TNXB: variants seen among roughly 807,000 people sequenced by gnomAD.
The protein encoded by TNXB is tenascin-X.
A neutral mutation model predicts 340.5 loss-of-function variants in TNXB; 183 were observed. The ratio of observed to expected loss-of-function variants is 0.54; its 90% CI spans 0.48 to 0.61. The LOEUF (loss-of-function observed/expected upper bound fraction) is 0.61, where lower values mean the gene tolerates loss of function less well. TNXB is among the 20% of genes least tolerant of loss of function. TNXB has a pLI of 0.00. For missense variants in TNXB, 4,613 were observed against 5,446.4 expected, an observed-to-expected ratio of 0.85 and a Z score of 4.82; for synonymous variants, 2,121 against 2,314.5, an observed-to-expected ratio of 0.92 and a Z score of 2.40.
At position 32,083,109 on chromosome 6, in the gene TNXB, C is replaced by T. The variant is rs1317601710; in HGVS notation, c.3446-783G>A. On this transcript the variant is annotated intron_variant, in intron 8 of 43. Transcript: ENST00000644971. This position sits in a 1 kb window ranked among gnomAD's most constrained non-coding sequence, Gnocchi z 4.6. ...CAGGCCAGGGGTGGCCTTGCCATTG[C>T]TAAATTCTGTGGACGCTCCGTAGCC... Among the ~76,000 whole-genome samples the T allele has an allele frequency of 6.6e-6, 1 of 152,172 alleles. No homozygotes were observed. Among genetic ancestry groups the T allele is most frequent in the Non-Finnish European group, 1.5e-5 (1 of 68,034 alleles).
chr6:32,081,794 A>G lies in TNXB; in HGVS notation c.3737-121T>C. 1 of 717,008 alleles carries G rather than the reference A, an allele frequency of 1.4e-6. No homozygotes were observed. Among genetic ancestry groups the G allele is most frequent in the Non-Finnish European group, 2.3e-6 (1 of 433,118 alleles). The allele number at this position is 717,008 out of a possible 1,614,324, so 44.4% of individuals were successfully genotyped here. A position where few individuals can be genotyped will look rare whatever the true frequency, so the allele number is the denominator to read the frequency against. ...TCACTAGTCCATTAATTCGAGTGCT[A>G]AACTTCTGGGAAGCCTGACACAGCC... On this transcript the variant is annotated intron_variant, in intron 9 of 43. Transcript: ENST00000644971. The surrounding 1 kb of genome is among the most constrained non-coding windows in gnomAD (Gnocchi z 5.1).
In TNXB at chr6:32,084,347, T is replaced by A. The variant is rs1779644516; in HGVS notation, c.3445+66A>T. The A allele has an allele frequency of 6.9e-7, 1 of 1,458,414 alleles. No homozygotes were observed. Among genetic ancestry groups the A allele is most frequent in the African/African-American group, 1.4e-5 (1 of 71,144 alleles). 90.3% of individuals were successfully genotyped at this position (1,458,414 alleles called of 1,614,324 possible). A position where few individuals can be genotyped will look rare whatever the true frequency, so the allele number is the denominator to read the frequency against. On this transcript the variant is annotated intron_variant, in intron 8 of 43. Coordinates refer to ENST00000644971, the MANE Select transcript of TNXB (RefSeq NM_001365276.2). The surrounding 1 kb of genome is among the most constrained non-coding windows in gnomAD (Gnocchi z 5.5). ...CCTTCCCGGAGCTCCCAAAGCAGGT[T>A]CCCAAAGCACTGAGAAAACCTCTTC...
rs755991577 is a variant in TNXB, at chr6:32,084,377, C to T, written c.3445+36G>A. 7 of 1,541,854 alleles carry T rather than the reference C, an allele frequency of 4.5e-6. No homozygotes were observed. The highest frequency in any genetic ancestry group is 6.1e-6 in the Non-Finnish European group (7 of 1,139,378). On this transcript the variant is annotated intron_variant, in intron 8 of 43. Coordinates refer to ENST00000644971, the MANE Select transcript of TNXB (RefSeq NM_001365276.2). The surrounding 1 kb of genome is among the most constrained non-coding windows in gnomAD (Gnocchi z 5.5). ...AAGCACTGAGAAAACCTCTTCAGGG[C>T]AGTACAGAGGGCAGGGTGTTACTGC...
chr6:32,056,256 G>A, intron 23 of TNXB, 82 bp from the exon 24 acceptor site: 2 of 1,483,676 alleles, frequency 1.3e-6, no homozygotes, highest in Middle Eastern at 1.8e-4. Context: ...AGAAACCATG[G>A]CCACTACTGG....
rs1776989775 is a variant in TNXB at position 32,047,825 on chromosome 6, C to G, written c.10233G>C (p.Gln3411His). 6.2e-7 allele frequency: 1 copy of G among 1,611,798 alleles called. No homozygotes were observed. Among genetic ancestry groups the G allele is most frequent in the South Asian group, 1.1e-5 (1 of 90,932 alleles). The stretch of plus-strand genomic sequence containing the variant: ...TGTATTTCCTACTGGGCTCCAGGCC[C>G]TGGACTGTGACCTCCCGCTGGTTGG... ...VAANQREVTVQGLEPSRKYRF... is the reference protein window; with the variant it reads ...VAANQREVTVHGLEPSRKYRF... Residue 3411 changes from glutamine to histidine, a missense_variant, in exon 30 of 44, where the codon CAG (glutamine) becomes CAC (histidine). Physicochemically the swap from Gln to His is conservative, Grantham distance 24 (BLOSUM62 0). Transcript: ENST00000644971. The surrounding 1 kb of genome is among the most constrained non-coding windows in gnomAD (Gnocchi z 6.2).
chr6:32,066,623 G>A (rs188114813), intron 18 of TNXB, among the ~76,000 whole-genome samples: 1 of 152,312 alleles, frequency 6.6e-6, no homozygotes, highest in Admixed American at 6.5e-5. Context: ...AATGGGTCTG[G>A]ACCCAAGATT....
rs1779645702 is a variant in TNXB at position 32,084,358 on chromosome 6, T to A, written c.3445+55A>T. On this transcript the variant is annotated intron_variant, in intron 8 of 43. Coordinates refer to ENST00000644971, the MANE Select transcript of TNXB (RefSeq NM_001365276.2). The surrounding 1 kb of genome is among the most constrained non-coding windows in gnomAD (Gnocchi z 5.5). Reference sequence around the variant, plus strand: ...CTCCCAAAGCAGGTTCCCAAAGCACTGAGAAAACCTCTTCAGGGCAGTACA... The same window carrying A: ...CTCCCAAAGCAGGTTCCCAAAGCACAGAGAAAACCTCTTCAGGGCAGTACA... The A allele has an allele frequency of 6.7e-7, 1 of 1,484,918 alleles. No individual in the cohort carries two copies. Among genetic ancestry groups the A allele is most frequent in the Non-Finnish European group, 9.0e-7 (1 of 1,111,918 alleles). 92.0% of individuals were successfully genotyped at this position (1,484,918 alleles called of 1,614,324 possible).
chr6:32,092,690 C>CAA (rs33977838), intron 4 of TNXB, among the ~76,000 whole-genome samples: 5 of 136,084 alleles, frequency 3.7e-5, no homozygotes, highest in African/African-American at 1.1e-4. Flanking sequence ...AACTCTGTCT[C>CAA]AAAAAAAAAA....
Position 32,070,966 on chromosome 6 carries a change from G to A in TNXB, c.4991-552C>T, listed in dbSNP as rs1778738122. On this transcript the variant is annotated intron_variant, in intron 13 of 43. Transcript: ENST00000644971. This position sits in a 1 kb window ranked among gnomAD's most constrained non-coding sequence, Gnocchi z 6.0. Reference sequence around the variant, plus strand: ...TAAGGCTCCCACTGGGCCTGGTGAAGGAGCGTGGGCTGCCTGTGAGAATGT... The same window carrying A: ...TAAGGCTCCCACTGGGCCTGGTGAAAGAGCGTGGGCTGCCTGTGAGAATGT... 6.6e-6 allele frequency among the ~76,000 whole-genome samples: 1 copy of A among 152,224 alleles called. No individual in the cohort carries two copies. Among genetic ancestry groups the A allele is most frequent in the Admixed American group, 6.5e-5 (1 of 15,284 alleles).
chr6:32,069,531 G>A lies in TNXB; in HGVS notation c.5587+22C>T, dbSNP rs1778619472. 3 of 1,534,308 alleles carry A rather than the reference G, an allele frequency of 2.0e-6. No individual in the cohort carries two copies. Among genetic ancestry groups the A allele is most frequent in the Non-Finnish European group, 1.8e-6 (2 of 1,138,056 alleles). On this transcript the variant is annotated intron_variant, in intron 15 of 43. Coordinates refer to ENST00000644971, the MANE Select transcript of TNXB (RefSeq NM_001365276.2). The surrounding 1 kb of genome is among the most constrained non-coding windows in gnomAD (Gnocchi z 6.2). ...AGCCAGGCGGGAAGGAGGCACAGGT[G>A]TTCCAGCTGCCGCACACTCACCAGT...
chr6:32,096,320 G>A lies in TNXB; in HGVS notation c.1533C>T (p.Arg511=). 1 of 1,549,620 alleles carries A rather than the reference G, an allele frequency of 6.5e-7. No individual in the cohort carries two copies. Among genetic ancestry groups the A allele is most frequent in the Non-Finnish European group, 8.7e-7 (1 of 1,152,754 alleles). ...CGGTGAAGCCCGGGTTGCACACGCA[G>A]CGGCCATCCACGCAGCGCCCGCGCC... ...CRGRGRCVDG[R]CVCNPGFTGE... The change falls in exon 3 of 44, where the codon CGC becomes CGT. Residue 511 remains arginine, a synonymous_variant. Transcript: ENST00000644971.
rs1267308947 is a variant in TNXB at position 32,047,378 on chromosome 6, G to T, written c.10324+356C>A. On this transcript the variant is annotated intron_variant, in intron 30 of 43. Coordinates refer to ENST00000644971, the MANE Select transcript of TNXB (RefSeq NM_001365276.2). This position sits in a 1 kb window ranked among gnomAD's most constrained non-coding sequence, Gnocchi z 6.2. ...GAGTCAGGGAGGAGGGAGGAGGATG[G>T]GAACCACTACTGAGTCCAGCGCCAT... Among the ~76,000 whole-genome samples the T allele has an allele frequency of 1.3e-5, 2 of 152,218 alleles. No homozygotes were observed. The highest frequency in any genetic ancestry group is 2.1e-4 in the South Asian group (1 of 4,828).
rs755633941 is a variant in TNXB at position 32,042,575 on chromosome 6, G to A, written c.12090C>T (p.Cys4030=). 23 of 1,593,244 alleles carry A rather than the reference G, an allele frequency of 1.4e-5. No homozygotes were observed. The Admixed American group carries it at 1.9e-4, about 13-fold the overall frequency. ...CGGCTCCGTTCTGCATCTCCTCCCC[G>A]CAGTCCCTGGGGAAGGGGATCCGCA... The part of the protein sequence containing the change: ...GGLRIPFPRD[C]GEEMQNGAGA... Residue 4030 remains cysteine (C), a synonymous_variant, in exon 40 of 44, where the codon TGC becomes TGT. Coordinates refer to ENST00000644971, the MANE Select transcript of TNXB (RefSeq NM_001365276.2).
chr6:32,071,268 T>C (rs1778753722), intron 13 of TNXB, among the ~76,000 whole-genome samples: 1 of 152,096 alleles, frequency 6.6e-6, no homozygotes, highest in Admixed American at 6.5e-5. Flanking sequence ...GCAGCCTCTG[T>C]AGGAGGCACA....
In TNXB at chr6:32,071,900, G is replaced by T. The variant is rs1748142479; in HGVS notation, c.4990+90C>A. The T allele has an allele frequency of 2.5e-6, 3 of 1,182,734 alleles. No homozygotes were observed. In the African/African-American group the frequency reaches 4.6e-5, roughly 18 times the overall value. The allele number at this position is 1,182,734 out of a possible 1,614,324, so 73.3% of individuals were successfully genotyped here. On this transcript the variant is annotated intron_variant, in intron 13 of 43. Coordinates refer to ENST00000644971, the MANE Select transcript of TNXB (RefSeq NM_001365276.2). ...GTGGCTTTTCAAATGAGACAGAGCA[G>T]GTGGACAAAGGGAAGACTCAGCAGA...
At chr6:32,103,274 A>T (rs1780815523) in intron 1 of TNXB, among the ~76,000 whole-genome samples, 1 of 151,672 alleles carries the variant, frequency 6.6e-6, no homozygotes, top group Non-Finnish European at 1.5e-5. Flanking sequence ...TAAAAAATAA[A>T]AAAAAATTAG....
At position 32,061,158 on chromosome 6, in the gene TNXB, G is replaced by A. The variant is rs563022978; in HGVS notation, c.7492+239C>T. ...AAGAAAGGAAAATTCTCGTAAGTCAGGCTTGGTGTGCGCCTGACATATTTC... is the reference window on the plus strand; with the variant it reads ...AAGAAAGGAAAATTCTCGTAAGTCAAGCTTGGTGTGCGCCTGACATATTTC... On this transcript the variant is annotated intron_variant, in intron 21 of 43. Coordinates refer to ENST00000644971, the MANE Select transcript of TNXB (RefSeq NM_001365276.2). The surrounding 1 kb of genome is among the most constrained non-coding windows in gnomAD (Gnocchi z 4.4). Among the ~76,000 whole-genome samples the A allele has an allele frequency of 1.3e-5, 2 of 151,992 alleles. No homozygotes were observed. Among genetic ancestry groups the A allele is most frequent in the South Asian group, 4.1e-4 (2 of 4,822 alleles).
chr6:32,074,316 A>G lies in TNXB; in HGVS notation c.4376-364T>C, dbSNP rs1778959106. 6.6e-6 allele frequency among the ~76,000 whole-genome samples: 1 copy of G among 152,076 alleles called. No homozygotes were observed. Among genetic ancestry groups the G allele is most frequent in the South Asian group, 2.1e-4 (1 of 4,830 alleles). On this transcript the variant is annotated intron_variant, in intron 11 of 43. Transcript: ENST00000644971. The surrounding 1 kb of genome is among the most constrained non-coding windows in gnomAD (Gnocchi z 5.5). ...TGGGATTACAGGTGTGAGCCACCAC[A>G]CCCAGCGATGTCTGTTGCATTTGTG...
chr6:32,084,010 T>TTATTTGCAAGATAAATATC lies in TNXB; in HGVS notation c.3445+384_3445+402dup, dbSNP rs1779624160. Among the ~76,000 whole-genome samples the TTATTTGCAAGATAAATATC allele has an allele frequency of 6.6e-6, 1 of 152,138 alleles. No homozygotes were observed. Among genetic ancestry groups the TTATTTGCAAGATAAATATC allele is most frequent in the Non-Finnish European group, 1.5e-5 (1 of 68,018 alleles). ...CCAGCTAGTCTCAGCAGCCACCCGG[T>TTATTTGCAAGATAAATATC]TATTTGCAAGATAAATATCTAGTCT... is the stretch of plus-strand genomic sequence containing the variant. On this transcript the variant is annotated intron_variant, in intron 8 of 43. Coordinates refer to ENST00000644971, the MANE Select transcript of TNXB (RefSeq NM_001365276.2). This position sits in a 1 kb window ranked among gnomAD's most constrained non-coding sequence, Gnocchi z 5.5.
Sources: allele counts gnomAD v4.1 joint callset (sites outside exome capture counted in the v4.1 genomes callset), GRCh38; gene constraint gnomAD v4.1.1; non-coding constraint Gnocchi (gnomAD v3.1); transcripts MANE v1.5; gene names NCBI Gene and HGNC (gene_info 2026-07-23, HGNC 2026-07-21).